The following CNTNAP5 variants were observed in gnomAD, a reference collection of about 807,000 sequenced individuals.
CNTNAP5 encodes contactin associated protein family member 5.
A neutral mutation model predicts 150.2 loss-of-function variants in CNTNAP5; 72 were observed. The observed-to-expected ratio is 0.48, with a 90% CI of 0.40 to 0.58. CNTNAP5 has a LOEUF of 0.58. CNTNAP5 is among the 20% of genes least tolerant of loss of function. The pLI, the probability that CNTNAP5 is intolerant of heterozygous loss-of-function variation, is 0.00. For missense variants in CNTNAP5, 1,636 were observed against 1,626.2 expected, an observed-to-expected ratio of 1.01 and a Z score of -0.10; for synonymous variants, 672 against 619.8, an observed-to-expected ratio of 1.08 and a Z score of -1.25.
At chr2:124,188,643 C>G (rs564259880) in intron 1 of CNTNAP5, among the ~76,000 whole-genome samples, 1 of 142,546 alleles carries the variant, frequency 7.0e-6, no homozygotes, top group African/African-American at 2.6e-5. Flanking sequence ...GGCGTGAACC[C>G]AGGAGGCAGA....
In CNTNAP5 at chr2:124,865,167, C is replaced by A; in HGVS notation, c.3218-139C>A. 3 of 638,604 alleles carry A rather than the reference C, an allele frequency of 4.7e-6. No homozygotes were observed. The South Asian group carries it at 7.2e-5, about 15-fold the overall frequency. The allele number at this position is 638,604 out of a possible 1,614,324, so 39.6% of individuals were successfully genotyped here. Reference sequence around the variant, plus strand: ...TTCTTTAGGGACCCTGATAAATATACGTGATATATTTTTAAAAATTGAATA... The same window carrying A: ...TTCTTTAGGGACCCTGATAAATATAAGTGATATATTTTTAAAAATTGAATA... On this transcript the variant is annotated intron_variant, in intron 19 of 23. Coordinates refer to ENST00000682447, the MANE Select transcript of CNTNAP5 (RefSeq NM_001367498.1).
chr2:124,682,219 C>T lies in CNTNAP5; in HGVS notation c.2077+34261C>T, dbSNP rs76916902. On this transcript the variant is annotated intron_variant, in intron 13 of 23. Transcript: ENST00000682447. ...AGGAGATTTTCAGAGTCTCTCTGAT[C>T]TTCTCCAAAATTTGCCATTAAATTC... Among the ~76,000 whole-genome samples the T allele has an allele frequency of 2.9e-3, 443 of 152,264 alleles. 1 individual carries two copies. The highest frequency in any genetic ancestry group is 0.01 in the African/African-American group (417 of 41,556).
chr2:124,565,499 A>G (rs1695999538), intron 11 of CNTNAP5, among the ~76,000 whole-genome samples: 1 of 151,926 alleles, frequency 6.6e-6, no homozygotes, highest in South Asian at 2.1e-4. Context: ...AAATAAAAAT[A>G]CAATTAAAAA....
intron 3 of CNTNAP5, among the ~76,000 whole-genome samples, chr2:124,244,702 C>G (rs1686974830): frequency 6.6e-6 from 1 of 152,114 alleles, no homozygotes; most frequent in Admixed American, 6.5e-5. Flanking sequence ...GCAGGAATAC[C>G]ATGACCGGTC....
rs139033209 is a variant in CNTNAP5, at chr2:124,286,571, G to A, written c.381+44178G>A. ...AGTAGAATGTGAACACAAACCTCCT[G>A]GGGATGTGTTACAGAAAATCCTGAT... On this transcript the variant is annotated intron_variant, in intron 3 of 23. Transcript: ENST00000682447. Among the ~76,000 whole-genome samples, 21 of 152,266 alleles carry A rather than the reference G, an allele frequency of 1.4e-4. No homozygotes were observed. In the East Asian group the frequency reaches 3.7e-3, roughly 27 times the overall value.
chr2:124,722,096 A>G lies in CNTNAP5; in HGVS notation c.2078-25133A>G, dbSNP rs180942958. On this transcript the variant is annotated intron_variant, in intron 13 of 23. Transcript: ENST00000682447. ...TTTTTAAAAGACCTTATATCTTAAT[A>G]GAGACACATTCTGAGGTCTTCAGGG... 2.4e-3 allele frequency among the ~76,000 whole-genome samples: 360 copies of G among 152,198 alleles called. 2 individuals are homozygous for G. The highest frequency in any genetic ancestry group is 2.9e-3 in the Admixed American group (44 of 15,270).
chr2:124,874,946 T>A (rs927020982), intron 21 of CNTNAP5, among the ~76,000 whole-genome samples: 3 of 152,036 alleles, frequency 2.0e-5, no homozygotes, highest in African/African-American at 7.2e-5. Context: ...TAGATTTCAA[T>A]ATTTACTTGC....
At chr2:124,046,756 A>G (rs953541141) in intron 1 of CNTNAP5, among the ~76,000 whole-genome samples, 9 of 152,206 alleles carry the variant, frequency 5.9e-5, no homozygotes, top group African/African-American at 2.2e-4. Flanking sequence ...CATTTTAGAC[A>G]TAGGGATTAA....
chr2:124,197,809 G>A (rs970881861), intron 1 of CNTNAP5, among the ~76,000 whole-genome samples: 1 of 151,774 alleles, frequency 6.6e-6, no homozygotes, highest in Non-Finnish European at 1.5e-5. Context: ...GTGAAACCCC[G>A]TCTCTACTAA....
At chr2:124,329,811 G>A (rs1689304728) in intron 3 of CNTNAP5, among the ~76,000 whole-genome samples, 1 of 152,076 alleles carries the variant, frequency 6.6e-6, no homozygotes, top group African/African-American at 2.4e-5. Flanking sequence ...TTAGCAAGAG[G>A]CATTTTTGTG....
chr2:124,497,162 C>A (rs574309179), intron 7 of CNTNAP5, among the ~76,000 whole-genome samples: 1 of 152,216 alleles, frequency 6.6e-6, no homozygotes, highest in African/African-American at 2.4e-5. Context: ...AGCAGAGCAG[C>A]CAACAACTTT....
chr2:124,633,804 G>A (rs1189602258), intron 12 of CNTNAP5, among the ~76,000 whole-genome samples: 1 of 152,156 alleles, frequency 6.6e-6, no homozygotes, highest in South Asian at 2.1e-4. Context: ...CTCAATTCTT[G>A]TACTCTGTGA....
chr2:124,778,710 A>C (rs796841307), intron 17 of CNTNAP5: 1 of 152,378 alleles, frequency 6.6e-6, no homozygotes, highest in African/African-American at 2.4e-5. Flanking sequence ...AGTTCAGAGG[A>C]GGGAAATTAT....
intron 1 of CNTNAP5, among the ~76,000 whole-genome samples, chr2:124,041,077 G>C (rs1362205484): frequency 6.6e-6 from 1 of 152,072 alleles, no homozygotes; most frequent in Non-Finnish European, 1.5e-5. Flanking sequence ...ACAGACTGTG[G>C]CTTAGTAGTC....
chr2:124,605,636 G>GGTCTCT (rs1697086773), intron 11 of CNTNAP5, among the ~76,000 whole-genome samples: 1 of 151,696 alleles, frequency 6.6e-6, no homozygotes, highest in South Asian at 2.1e-4. Flanking sequence ...CTAACATGGT[G>GGTCTCT]AAACCCTGTC....
chr2:124,708,881 T>G (rs1454815710), intron 13 of CNTNAP5, among the ~76,000 whole-genome samples: 1 of 152,180 alleles, frequency 6.6e-6, no homozygotes, highest in East Asian at 1.9e-4. Flanking sequence ...AAATCTTACC[T>G]GACTACAGAG....
chr2:124,568,420 C>G (rs982136690), intron 11 of CNTNAP5, among the ~76,000 whole-genome samples: 1 of 151,890 alleles, frequency 6.6e-6, no homozygotes, highest in Non-Finnish European at 1.5e-5. Context: ...TTGCCTGGCT[C>G]AAAAAAAGAA....
chr2:124,869,795 G>A (rs1339178930), intron 21 of CNTNAP5, 33 bp downstream of exon 21: 3 of 1,316,378 alleles, frequency 2.3e-6, no homozygotes, highest in Non-Finnish European at 2.2e-6. Context: ...TTTCCAGTGG[G>A]CTTTATTAAA....
chr2:124,567,858 T>TAGATAGATAGATAGATAG (rs1553480432), intron 11 of CNTNAP5, among the ~76,000 whole-genome samples: 19 of 132,918 alleles, frequency 1.4e-4, no homozygotes, highest in African/African-American at 5.1e-4. Flanking sequence ...GATAGATAGA[T>TAGATAGATAGATAGATAG]AGATAGATAG....
Sources: allele counts gnomAD v4.1 joint callset (sites outside exome capture counted in the v4.1 genomes callset), GRCh38; gene constraint gnomAD v4.1.1; transcripts MANE v1.5; gene names NCBI Gene and HGNC (gene_info 2026-07-23, HGNC 2026-07-21).